Variants in SCARA3 observed in about 807,000 individuals in gnomAD.
The protein encoded by SCARA3 is cellular stress response gene protein.
Under a neutral mutation model 47.0 loss-of-function variants are expected in SCARA3, and 39 were observed. The ratio of observed to expected loss-of-function variants is 0.83; its 90% confidence interval spans 0.64 to 1.08. The LOEUF is 1.08. Ranked by LOEUF, SCARA3 falls within the 50% of genes least tolerant of loss-of-function variation. The pLI, the probability that SCARA3 is intolerant of heterozygous loss-of-function variation, is 0.00. For missense variants in SCARA3, 724 were observed against 792.3 expected (o/e 0.91, Z 1.04); for synonymous variants, 356 against 334.1 (o/e 1.07, Z -0.71).
chr8:27,716,891 A>G, the SCARA3 span, among the ~76,000 whole-genome samples: 1 of 152,242 alleles, frequency 6.6e-6, no homozygotes, highest in Admixed American at 6.5e-5. Flanking sequence ...ACAAATCCAC[A>G]TCATGTGAAA....
In SCARA3 at chr8:27,672,675, C is replaced by G; in HGVS notation, c.*1324C>G. ...CTCTGTCATCACTCCTTGGCACCCA[C>G]CAACTTCCTGCACACACTGGCAGAG... On this transcript the variant is annotated 3_prime_UTR_variant, in exon 6 of 6. Transcript: ENST00000301904. 1 of 985,624 alleles carries G rather than the reference C, an allele frequency of 1.0e-6. No homozygotes were observed. Among genetic ancestry groups the G allele is most frequent in the Non-Finnish European group, 1.2e-6 (1 of 830,080 alleles). The allele number at this position is 985,624 out of a possible 1,614,324, so 61.1% of individuals were successfully genotyped here.
rs147091628 is a variant in SCARA3 at position 27,641,048 on chromosome 8, A to G, written c.7+6841A>G. Among the ~76,000 whole-genome samples the G allele has an allele frequency of 3.1e-3, 474 of 152,354 alleles. 4 individuals carry two copies. The highest frequency in any genetic ancestry group is 0.011 in the African/African-American group (449 of 41,576). ...TAACATCCCATAGTAAGACTCTACG[A>G]GCATTTATGTAACCAATCCCCTGGA... On this transcript the variant is annotated intron_variant, in intron 1 of 5. Coordinates refer to ENST00000301904, the MANE Select transcript of SCARA3 (RefSeq NM_016240.3).
At chr8:27,649,634 G>A in intron 1 of SCARA3, 68 bp from the exon 2 acceptor site, 1 of 1,454,264 alleles carries the variant, frequency 6.9e-7, no homozygotes, top group South Asian at 1.2e-5. Flanking sequence ...ATGGGGACAG[G>A]TAAATAAAAG....
At chr8:27,688,198 G>A in the SCARA3 span, among the ~76,000 whole-genome samples, 9 of 152,128 alleles carry the variant, frequency 5.9e-5, no homozygotes, top group African/African-American at 2.2e-4. Flanking sequence ...AAACAGAACA[G>A]GATTCTGTAA....
At chr8:27,690,826 G>A in the SCARA3 span, among the ~76,000 whole-genome samples, 1 of 151,978 alleles carries the variant, frequency 6.6e-6, no homozygotes, top group Non-Finnish European at 1.5e-5. Flanking sequence ...CTGGCTATAG[G>A]CACACACCAC....
the SCARA3 span, among the ~76,000 whole-genome samples, chr8:27,718,238 G>A: frequency 6.6e-6 from 1 of 152,250 alleles, no homozygotes; most frequent in Admixed American, 6.5e-5. Context: ...TGCTCGCAGA[G>A]CACTCTGTCC....
Position 27,634,117 on chromosome 8 carries a change from C to T in SCARA3, c.-84C>T. 7.4e-7 allele frequency: 1 copy of T among 1,347,702 alleles called. No individual in the cohort carries two copies. The highest frequency in any genetic ancestry group is 9.7e-7 in the Non-Finnish European group (1 of 1,031,432). The allele number at this position is 1,347,702 out of a possible 1,614,324, so 83.5% of individuals were successfully genotyped here. A position where few individuals can be genotyped will look rare whatever the true frequency, so the allele number is the denominator to read the frequency against. The stretch of plus-strand genomic sequence containing the variant: ...GGCGCCTAGGACGGCGATCCGCGCC[C>T]TGGAGGATCCGCCGGCCGCCCGGCT... On this transcript the variant is annotated 5_prime_UTR_variant, in exon 1 of 6. Transcript: ENST00000301904.
chr8:27,680,117 A>G (rs535678524), downstream of SCARA3, among the ~76,000 whole-genome samples: 22 of 152,290 alleles, frequency 1.4e-4, no homozygotes, highest in South Asian at 8.3e-4. Context: ...AAATGAGTAT[A>G]TAAGAAAATA....
the SCARA3 span, among the ~76,000 whole-genome samples, chr8:27,698,850 T>A: frequency 6.6e-6 from 1 of 152,204 alleles, no homozygotes; most frequent in Non-Finnish European, 1.5e-5. Flanking sequence ...CTGAAATTTT[T>A]AAATATCTTT....
At chr8:27,652,518 C>G (rs977191469) in intron 3 of SCARA3, among the ~76,000 whole-genome samples, 1 of 152,212 alleles carries the variant, frequency 6.6e-6, no homozygotes, top group Non-Finnish European at 1.5e-5. Flanking sequence ...GCCCCCTGCT[C>G]TCATGCAGAC....
the SCARA3 span, among the ~76,000 whole-genome samples, chr8:27,683,918 T>G: frequency 6.6e-6 from 1 of 152,002 alleles, no homozygotes; most frequent in Non-Finnish European, 1.5e-5. Flanking sequence ...TCAAAAACTA[T>G]GTAATGAAGA....
In SCARA3 at chr8:27,665,165, G is replaced by A. The variant is rs528382333; in HGVS notation, c.1369+5626G>A. Reference sequence around the variant, plus strand: ...AAGTCCTGATGGAAGGGTTGGAACTGAGACTGCACAGGCAAGAAGCCTGGC... The same window carrying A: ...AAGTCCTGATGGAAGGGTTGGAACTAAGACTGCACAGGCAAGAAGCCTGGC... On this transcript the variant is annotated intron_variant, in intron 5 of 5. Transcript: ENST00000301904. Among the ~76,000 whole-genome samples the A allele has an allele frequency of 7.2e-5, 11 of 152,374 alleles. No homozygotes were observed. In the South Asian group the frequency reaches 2.1e-3, roughly 29 times the overall value.
At chr8:27,707,732 C>T in the SCARA3 span, among the ~76,000 whole-genome samples, 1 of 149,936 alleles carries the variant, frequency 6.7e-6, no homozygotes, top group African/African-American at 2.5e-5. Flanking sequence ...CAAGAGCCTG[C>T]CACAAAAAAT....
intron 4 of SCARA3, among the ~76,000 whole-genome samples, chr8:27,657,162 AATAGCCTCATGC>A (rs1801760710): frequency 6.6e-6 from 1 of 152,030 alleles, no homozygotes; most frequent in Non-Finnish European, 1.5e-5. Flanking sequence ...CCATTCCCAA[AATAGCCTCATGC>A]ATCTGAAATG....
At chr8:27,662,894 G>C (rs574182005) in intron 5 of SCARA3, among the ~76,000 whole-genome samples, 12 of 152,378 alleles carry the variant, frequency 7.9e-5, no homozygotes, top group East Asian at 1.9e-4. Context: ...AGTATCTACA[G>C]AACAGGTCAT....
chr8:27,692,218 G>A, the SCARA3 span, among the ~76,000 whole-genome samples: 137 of 152,146 alleles, frequency 9.0e-4, no homozygotes, highest in Non-Finnish European at 1.6e-3. Flanking sequence ...TCGGGAGTTC[G>A]AGACCAGCCT....
downstream of SCARA3, among the ~76,000 whole-genome samples, chr8:27,674,556 G>A (rs1802233404): frequency 6.6e-6 from 1 of 152,024 alleles, no homozygotes; most frequent in Non-Finnish European, 1.5e-5. Context: ...TTATTTTCTG[G>A]AACTTTCCAG....
At chr8:27,701,701 G>C in the SCARA3 span, 1 of 149,184 alleles carries the variant, frequency 6.7e-6, no homozygotes, top group Non-Finnish European at 1.5e-5. Flanking sequence ...AGGCACGGGA[G>C]CTCAGGTGAG....
intron 5 of SCARA3, among the ~76,000 whole-genome samples, chr8:27,668,197 C>T (rs1802059752): frequency 6.6e-6 from 1 of 152,128 alleles, no homozygotes; most frequent in Non-Finnish European, 1.5e-5. Flanking sequence ...AGGGGCTGGT[C>T]GGGAGGAGGG....
Sources: allele counts gnomAD v4.1 joint callset (sites outside exome capture counted in the v4.1 genomes callset), GRCh38; gene constraint gnomAD v4.1.1; transcripts MANE v1.5; gene names NCBI Gene and HGNC (gene_info 2026-07-23, HGNC 2026-07-21).